The following EML1 variants were observed in gnomAD, a reference collection of about 807,000 sequenced individuals.
The protein encoded by EML1 is echinoderm microtubule-associated protein-like 1.
Under a neutral mutation model 110.4 loss-of-function variants are expected in EML1, and 27 were observed. The observed-to-expected ratio is 0.24, with a 90% CI of 0.18 to 0.34. The LOEUF (loss-of-function observed/expected upper bound fraction) is 0.34, where lower values mean the gene tolerates loss of function less well. Ranked by LOEUF, EML1 falls within the 10% of genes least tolerant of loss-of-function variation. The pLI, the probability that EML1 is intolerant of heterozygous loss-of-function variation, is 1.00. For missense variants in EML1, 741 were observed against 1,030.9 expected (o/e 0.72, Z 3.85); for synonymous variants, 344 against 385.8 (o/e 0.89, Z 1.27).
intron 3 of EML1, among the ~76,000 whole-genome samples, chr14:99,869,520 G>T (rs780267880): frequency 1.3e-5 from 2 of 152,100 alleles, no homozygotes; most frequent in Non-Finnish European, 2.9e-5. Flanking sequence ...CCCTATAATG[G>T]CCTCTAAGTG....
At chr14:99,828,434 G>A (rs1364993182) in intron 1 of EML1, among the ~76,000 whole-genome samples, 1 of 152,116 alleles carries the variant, frequency 6.6e-6, no homozygotes, top group African/African-American at 2.4e-5. Context: ...CACAGTTCTT[G>A]TATTCAAGGA....
rs896090765 is a variant in EML1, at chr14:99,784,011, A to G, written c.-27+9998A>G. On this transcript the variant is annotated intron_variant, in intron 1 of 22. Transcript: ENST00000327921. The surrounding 1 kb of genome is among the most constrained non-coding windows in gnomAD (Gnocchi z 4.5). ...ATGCTACGGTTGGAAATTCATTTGC[A>G]ATCTACTGCGGTGCCCGCACTATTG... is the stretch of plus-strand genomic sequence containing the variant. Among the ~76,000 whole-genome samples the G allele has an allele frequency of 6.6e-6, 1 of 152,268 alleles. No individual in the cohort carries two copies. The highest frequency in any genetic ancestry group is 1.5e-5 in the Non-Finnish European group (1 of 68,048).
intron 1 of EML1, among the ~76,000 whole-genome samples, chr14:99,778,538 C>T (rs2057507068): frequency 6.6e-6 from 1 of 152,168 alleles, no homozygotes; most frequent in Non-Finnish European, 1.5e-5. Flanking sequence ...CATCCACTTC[C>T]TGCAGATTCC....
chr14:99,871,476 G>A (rs2059203319), intron 3 of EML1, among the ~76,000 whole-genome samples: 2 of 151,264 alleles, frequency 1.3e-5, no homozygotes, highest in Admixed American at 1.3e-4. Flanking sequence ...TTGTGCTACT[G>A]CACTCCAGCC....
At chr14:99,830,382 G>GA (rs200687833) in intron 1 of EML1, among the ~76,000 whole-genome samples, 3,986 of 152,022 alleles carry the variant, frequency 0.026, 82 homozygotes, top group Non-Finnish European at 0.041. Context: ...AAATTTAAAA[G>GA]AAAAAAGGGT....
chr14:99,862,905 T>C (rs2059025272), intron 2 of EML1, among the ~76,000 whole-genome samples: 1 of 152,204 alleles, frequency 6.6e-6, no homozygotes, highest in Non-Finnish European at 1.5e-5. Context: ...CAGACAGAGC[T>C]CAGAAACATG....
chr14:99,899,667 G>A lies in EML1; in HGVS notation c.898-1262G>A, dbSNP rs2059728162. ...GAGTTAACAGAAATAATGGAAATCA[G>A]ACCACTATTATGTAAATAAATTTAC... On this transcript the variant is annotated intron_variant, in intron 8 of 21. Transcript: ENST00000262233. Among the ~76,000 whole-genome samples, 4 of 151,568 alleles carry A rather than the reference G, an allele frequency of 2.6e-5. No homozygotes were observed. The South Asian group carries it at 8.3e-4, about 32-fold the overall frequency.
At chr14:99,882,876 G>A (rs958559317) in intron 4 of EML1, among the ~76,000 whole-genome samples, 1 of 151,812 alleles carries the variant, frequency 6.6e-6, no homozygotes, top group South Asian at 2.1e-4. Flanking sequence ...GTTAGGTGTG[G>A]TGCCCTTTTG....
At chr14:99,762,304 C>T (rs1566853702) in intron 1 of EML1, among the ~76,000 whole-genome samples, 1 of 152,118 alleles carries the variant, frequency 6.6e-6, no homozygotes, top group Non-Finnish European at 1.5e-5. Flanking sequence ...ATTTTACGTA[C>T]ACAGCTTGAG....
intron 1 of EML1, among the ~76,000 whole-genome samples, chr14:99,750,620 T>TG (rs2057165130): frequency 6.6e-6 from 1 of 152,062 alleles, no homozygotes; most frequent in African/African-American, 2.4e-5. Flanking sequence ...AAGGGCACAG[T>TG]GGGGGGATCA....
intron 16 of EML1, 118 bp downstream of exon 16, chr14:99,917,967 A>G (rs2060062700): frequency 1.0e-6 from 1 of 964,332 alleles, no homozygotes. Flanking sequence ...GAAGCTTCTA[A>G]TGACTTACCA....
In EML1 at chr14:99,893,905, T is replaced by A. The variant is rs192482247; in HGVS notation, c.548-724T>A. 3.1e-4 allele frequency among the ~76,000 whole-genome samples: 47 copies of A among 152,316 alleles called. 1 individual carries two copies. Among genetic ancestry groups the A allele is most frequent in the African/African-American group, 8.7e-4 (36 of 41,568 alleles). On this transcript the variant is annotated intron_variant, in intron 5 of 21. Coordinates refer to ENST00000262233, the MANE Select transcript of EML1 (RefSeq NM_004434.3). Reference sequence around the variant, plus strand: ...AGATGTTCTTTTTGAGGTCTAGGAGTTACCCCGTGTTGATACGTTGTTGAT... The same window carrying A: ...AGATGTTCTTTTTGAGGTCTAGGAGATACCCCGTGTTGATACGTTGTTGAT...
intron 3 of EML1, 66 bp downstream of exon 3, chr14:99,865,712 A>G: frequency 6.5e-7 from 1 of 1,537,124 alleles, no homozygotes; most frequent in Non-Finnish European, 8.8e-7. Flanking sequence ...CAACATGAGT[A>G]TTACTTTTTA....
At chr14:99,791,429 C>T (rs572217277), upstream of EML1, among the ~76,000 whole-genome samples, 2 of 152,332 alleles carry the variant, frequency 1.3e-5, no homozygotes, top group South Asian at 4.1e-4. Flanking sequence ...GTCCTTCTCT[C>T]TCCTTTGTCA....
intron 9 of EML1, chr14:99,907,360 T>G: frequency 2.6e-6 from 1 of 389,658 alleles, no homozygotes; most frequent in Non-Finnish European, 4.6e-6. Context: ...CCCAGCTACA[T>G]GGGAGGCTGG....
At chr14:99,873,179 A>T (rs933360820) in intron 3 of EML1, among the ~76,000 whole-genome samples, 1 of 152,238 alleles carries the variant, frequency 6.6e-6, no homozygotes, top group African/African-American at 2.4e-5. Flanking sequence ...CTCTGGGCTC[A>T]TAAGTAGAGC....
intron 1 of EML1, among the ~76,000 whole-genome samples, chr14:99,738,844 C>G (rs1357447910): frequency 1.3e-5 from 2 of 152,194 alleles, no homozygotes; most frequent in African/African-American, 4.8e-5. Context: ...CTGGCCTCCT[C>G]CAGCAGGGCC....
intron 1 of EML1, among the ~76,000 whole-genome samples, chr14:99,746,101 C>A (rs926313859): frequency 6.6e-6 from 1 of 152,208 alleles, no homozygotes; most frequent in Non-Finnish European, 1.5e-5. Flanking sequence ...CATGACGCCC[C>A]CTTTAACCTA....
rs1481145773 is a variant in EML1, at chr14:99,907,978, A to G, written c.1104+245A>G. Among the ~76,000 whole-genome samples, 4 of 152,010 alleles carry G rather than the reference A, an allele frequency of 2.6e-5. No individual in the cohort carries two copies. The East Asian group carries it at 7.7e-4, about 29-fold the overall frequency. ...TTTTCTTCCTCATTTCATAGCCACT[A>G]CCCTTTTAATTCATCCAGTCATGTA... On this transcript the variant is annotated intron_variant, in intron 10 of 21. Transcript: ENST00000262233.
Sources: gnomAD v4.1 joint callset for allele counts (sites outside exome capture counted in the v4.1 genomes callset) on GRCh38, gnomAD v4.1.1 for gene constraint, Gnocchi (gnomAD v3.1) non-coding constraint, MANE v1.5 for transcripts, NCBI Gene and HGNC (gene_info 2026-07-23, HGNC 2026-07-21) for gene names.